The following UBR1 variants were observed in gnomAD, a reference collection of about 807,000 sequenced individuals.
The protein encoded by UBR1 is E3 ubiquitin-protein ligase UBR1.
Under a neutral mutation model 242.1 loss-of-function variants are expected in UBR1, and 102 were observed. The ratio of observed to expected loss-of-function variants is 0.42; its 90% CI spans 0.36 to 0.50. The LOEUF (loss-of-function observed/expected upper bound fraction) is 0.50, where lower values mean the gene tolerates loss of function less well. UBR1 is among the 20% of genes least tolerant of loss of function. The pLI is 0.01. For synonymous variants in UBR1, 675 were observed against 684.8 expected (o/e 0.99, Z 0.22); for missense variants, 1,772 against 2,101.8 (o/e 0.84, Z 3.07).
At chr15:43,062,969 C>T (rs1371638182) in intron 6 of UBR1, among the ~76,000 whole-genome samples, 1 of 151,852 alleles carries the variant, frequency 6.6e-6, no homozygotes, top group Admixed American at 6.6e-5. Context: ...TAGCTGAAAA[C>T]ACAGAACTAC....
chr15:43,027,356 A>C (rs774489034), intron 22 of UBR1, among the ~76,000 whole-genome samples: 1 of 152,130 alleles, frequency 6.6e-6, no homozygotes, highest in Non-Finnish European at 1.5e-5. Context: ...AGATTAATAC[A>C]ATTAAATTTG....
rs543035224 is a variant in UBR1 at position 43,074,817 on chromosome 15, A to G, written c.528+162T>C. Among the ~76,000 whole-genome samples, 6 of 152,278 alleles carry G rather than the reference A, an allele frequency of 3.9e-5. No individual in the cohort carries two copies. The East Asian group carries it at 1.2e-3, about 29-fold the overall frequency. On this transcript the variant is annotated intron_variant, in intron 4 of 46. Transcript: ENST00000290650. ...ATTCTCTCTTTAGAGACATTATCAA[A>G]TCCTTAGTTTCTTTGGAGCTAGAAA...
Position 43,014,640 on chromosome 15 carries a change from T to C in UBR1, c.3209+1048A>G, listed in dbSNP as rs560956482. Among the ~76,000 whole-genome samples the C allele has an allele frequency of 2.4e-3, 349 of 148,446 alleles. 2 individuals are homozygous for C. The highest frequency in any genetic ancestry group is 8.5e-3 in the African/African-American group (338 of 39,830). ...CTGAGAAGTGAGGAGACCCTCCGCC[T>C]GGCAGCCGCCCCTTCTAAGAAGTGA... On this transcript the variant is annotated intron_variant, in intron 29 of 46. Transcript: ENST00000290650.
At chr15:42,994,745 A>G (rs1284470101) in intron 33 of UBR1, among the ~76,000 whole-genome samples, 3 of 152,194 alleles carry the variant, frequency 2.0e-5, no homozygotes, top group Admixed American at 6.5e-5. Flanking sequence ...ACAATTAGTC[A>G]TTCAATAAGC....
intron 26 of UBR1, among the ~76,000 whole-genome samples, chr15:43,022,450 G>T (rs2033122331): frequency 6.7e-6 from 1 of 149,294 alleles, no homozygotes; most frequent in Non-Finnish European, 1.5e-5. Flanking sequence ...AAAAAAAAAA[G>T]TGGGGCGATC....
At chr15:43,066,350 T>C (rs1405371371) in intron 6 of UBR1, among the ~76,000 whole-genome samples, 1 of 152,218 alleles carries the variant, frequency 6.6e-6, no homozygotes, top group African/African-American at 2.4e-5. Flanking sequence ...ACCAGTACCA[T>C]GCTGTTTTGG....
At chr15:43,093,827 C>G (rs911120860) in intron 1 of UBR1, among the ~76,000 whole-genome samples, 2 of 149,686 alleles carry the variant, frequency 1.3e-5, no homozygotes, top group African/African-American at 2.4e-5. Flanking sequence ...AAGGCAAGCT[C>G]ATAACTAAGC....
At chr15:42,968,436 G>C (rs1394245174) in intron 40 of UBR1, among the ~76,000 whole-genome samples, 5 of 151,100 alleles carry the variant, frequency 3.3e-5, no homozygotes, top group Non-Finnish European at 7.4e-5. Flanking sequence ...TGTTGCCCAG[G>C]GTGGTCTCAA....
intron 32 of UBR1, among the ~76,000 whole-genome samples, chr15:43,001,576 T>G (rs1196837396): frequency 1.3e-5 from 2 of 152,234 alleles, no homozygotes; most frequent in African/African-American, 4.8e-5. Context: ...ACAAATCCAT[T>G]GCATTTTAAA....
chr15:43,026,799 C>T (rs2033183975), intron 22 of UBR1, 136 bp from the exon 23 acceptor site: 1 of 704,882 alleles, frequency 1.4e-6, no homozygotes, highest in African/African-American at 1.8e-5. Flanking sequence ...ATGAAAAATT[C>T]CATTGCAATA....
intron 29 of UBR1, among the ~76,000 whole-genome samples, chr15:43,008,268 C>A (rs1489660988): frequency 6.6e-6 from 1 of 152,272 alleles, no homozygotes; most frequent in Non-Finnish European, 1.5e-5. Flanking sequence ...TGCTCCCGGG[C>A]ACAGCTGCAA....
At chr15:42,971,560 C>G (rs2032207933) in intron 39 of UBR1, among the ~76,000 whole-genome samples, 1 of 152,198 alleles carries the variant, frequency 6.6e-6, no homozygotes. Context: ...ATTAATTCAT[C>G]TGGAAGGTCA....
At chr15:42,994,684 C>T (rs1489624185) in intron 33 of UBR1, among the ~76,000 whole-genome samples, 2 of 152,206 alleles carry the variant, frequency 1.3e-5, no homozygotes, top group Non-Finnish European at 2.9e-5. Flanking sequence ...AATGCTTACA[C>T]ATTCTCTGCA....
chr15:43,084,225 C>T (rs1387676726), intron 2 of UBR1, among the ~76,000 whole-genome samples: 1 of 151,940 alleles, frequency 6.6e-6, no homozygotes, highest in African/African-American at 2.4e-5. Flanking sequence ...CCAGACTGTC[C>T]TGTGCATTAG....
At position 43,069,528 on chromosome 15, in the gene UBR1, G is replaced by T. The variant is rs377279621; in HGVS notation, c.659+1267C>A. On this transcript the variant is annotated intron_variant, in intron 5 of 46. Transcript: ENST00000290650. The stretch of plus-strand genomic sequence containing the variant: ...CTGACGTCGTGATCCACCCACCTCG[G>T]CCTCCCAAAGTGCTGGGATTACAGG... 1.1e-4 allele frequency among the ~76,000 whole-genome samples: 16 copies of T among 152,282 alleles called. No individual in the cohort carries two copies. The East Asian group carries it at 3.1e-3, about 29-fold the overall frequency.
chr15:43,009,930 G>T (rs985968208), intron 29 of UBR1, among the ~76,000 whole-genome samples: 1 of 152,322 alleles, frequency 6.6e-6, no homozygotes, highest in Non-Finnish European at 1.5e-5. Flanking sequence ...GAGTGCAGTG[G>T]CGCGATCTCG....
chr15:43,045,442 G>A (rs2033472441), intron 14 of UBR1, among the ~76,000 whole-genome samples: 1 of 152,120 alleles, frequency 6.6e-6, no homozygotes, highest in East Asian at 1.9e-4. Context: ...ACTCCAGCCT[G>A]GGTGACAGAG....
chr15:42,976,767 T>C lies in UBR1; in HGVS notation c.4319A>G (p.His1440Arg), dbSNP rs200770305. The C allele has an allele frequency of 1.9e-6, 3 of 1,614,004 alleles. No homozygotes were observed. Among genetic ancestry groups the C allele is most frequent in the Non-Finnish European group, 2.5e-6 (3 of 1,180,006 alleles). The part of the protein sequence containing the change: ...SSSYNHLYLF[H>R]LITMAHMLQI... ...AAGCATGTGTGCCATGGTGATCAAA[T>C]GGAAGAGATAAAGGTGGTTATAGGA... The change falls in exon 39 of 47, where the codon CAT becomes CGT. Residue 1440 changes from histidine (H) to arginine (R), a missense_variant. By Grantham distance (29) the His-to-Arg change is conservative. This residue lies in a region of UBR1 where 965 missense variants were observed against 1,079.7 expected (regional missense o/e 0.89). Coordinates refer to ENST00000290650, the MANE Select transcript of UBR1 (RefSeq NM_174916.3).
chr15:43,056,197 A>C (rs1443125381), intron 11 of UBR1, 147 bp downstream of exon 11: 1 of 667,558 alleles, frequency 1.5e-6, no homozygotes, highest in Non-Finnish European at 2.7e-6. Context: ...CGCCTAGTTA[A>C]CTAGTCCTTG....
Sources: gnomAD v4.1 joint callset for allele counts (sites outside exome capture counted in the v4.1 genomes callset) on GRCh38, gnomAD v4.1.1 for gene constraint, gnomAD v4.1.1 regional missense constraint, MANE v1.5 for transcripts, NCBI Gene and HGNC (gene_info 2026-07-23, HGNC 2026-07-21) for gene names.